The following AGMO variants were observed in gnomAD, a reference collection of about 807,000 sequenced individuals.
The protein encoded by AGMO is glyceryl-ether monooxygenase.
AGMO carries 75 observed loss-of-function variants against 60.2 expected under a neutral mutation model. That is an observed-to-expected ratio of 1.25 (90% CI 1.03 to 1.51). The LOEUF (loss-of-function observed/expected upper bound fraction) is 1.51. Ranked by LOEUF, AGMO falls within the 40% of genes most tolerant of loss-of-function variation. The pLI, the probability that AGMO is intolerant of heterozygous loss-of-function variation, is 0.00. For missense variants in AGMO, 763 were observed against 525.5 expected (o/e 1.45, Z -4.42); for synonymous variants, 261 against 177.1 (o/e 1.47, Z -3.76).
intron 3 of AGMO, among the ~76,000 whole-genome samples, chr7:15,450,101 T>C (rs1199603523): frequency 6.6e-6 from 1 of 152,228 alleles, no homozygotes; most frequent in Admixed American, 6.5e-5. Context: ...CAAATGTAAT[T>C]GATTGCATCA....
chr7:15,531,596 C>T (rs1479078223), intron 3 of AGMO, among the ~76,000 whole-genome samples: 2 of 102,468 alleles, frequency 2.0e-5, no homozygotes, highest in Admixed American at 1.3e-4. Context: ...TATATATATT[C>T]TATATATATA....
intron 5 of AGMO, among the ~76,000 whole-genome samples, chr7:15,401,290 T>C (rs1313697730): frequency 4.6e-5 from 7 of 152,196 alleles, no homozygotes; most frequent in Non-Finnish European, 8.8e-5. Flanking sequence ...TATTCTATTC[T>C]ATATAATTCA....
At chr7:15,127,111 G>A in the AGMO span, among the ~76,000 whole-genome samples, 1 of 152,022 alleles carries the variant, frequency 6.6e-6, no homozygotes, top group Non-Finnish European at 1.5e-5. Flanking sequence ...GTATTTCTTA[G>A]ATGTATTTGA....
the AGMO span, among the ~76,000 whole-genome samples, chr7:15,141,758 T>C: frequency 1.3e-5 from 2 of 152,192 alleles, no homozygotes; most frequent in African/African-American, 4.8e-5. Context: ...GGCGAATCTA[T>C]TATTTGGGCT....
chr7:15,182,747 G>A, the AGMO span, among the ~76,000 whole-genome samples: 3 of 152,062 alleles, frequency 2.0e-5, no homozygotes, highest in South Asian at 2.1e-4. Flanking sequence ...AATGGGTTCC[G>A]ACATTGCTAT....
At chr7:15,259,686 C>T (rs1194464172) in intron 12 of AGMO, among the ~76,000 whole-genome samples, 1 of 151,776 alleles carries the variant, frequency 6.6e-6, no homozygotes, top group African/African-American at 2.4e-5. Context: ...TAAAGGAAAA[C>T]CTATCAGATT....
At chr7:15,417,439 A>G (rs951882391) in intron 5 of AGMO, among the ~76,000 whole-genome samples, 1 of 152,172 alleles carries the variant, frequency 6.6e-6, no homozygotes, top group Non-Finnish European at 1.5e-5. Context: ...ACATGGCGTG[A>G]CCTGGAGCAG....
At chr7:15,357,199 G>GTGTGTT (rs1782570315) in intron 12 of AGMO, among the ~76,000 whole-genome samples, 1 of 124,900 alleles carries the variant, frequency 8.0e-6, no homozygotes, top group Admixed American at 7.4e-5. Context: ...TCGTGTGTGT[G>GTGTGTT]TGTGTGTGTG....
At chr7:15,230,146 G>C (rs1384508995) in intron 12 of AGMO, among the ~76,000 whole-genome samples, 2 of 152,034 alleles carry the variant, frequency 1.3e-5, no homozygotes, top group African/African-American at 4.8e-5. Flanking sequence ...GAAAAGAAAA[G>C]AGGAGGAGGA....
the AGMO span, among the ~76,000 whole-genome samples, chr7:15,137,584 G>A: frequency 0.4 from 61,300 of 151,946 alleles, 12,804 homozygotes; most frequent in East Asian, 0.67. Flanking sequence ...AGGTGGACAT[G>A]TACAATCAAG....
At chr7:15,286,996 T>A (rs1784116463) in intron 12 of AGMO, among the ~76,000 whole-genome samples, 1 of 152,136 alleles carries the variant, frequency 6.6e-6, no homozygotes, top group Non-Finnish European at 1.5e-5. Flanking sequence ...ACCATATGCT[T>A]TCACTTATAT....
At chr7:15,493,667 G>A (rs551951146) in intron 3 of AGMO, among the ~76,000 whole-genome samples, 2 of 152,122 alleles carry the variant, frequency 1.3e-5, no homozygotes, top group South Asian at 4.2e-4. Flanking sequence ...GAGCCACCGC[G>A]CCCGGCCCAC....
chr7:15,513,284 G>A (rs1381031173), intron 3 of AGMO, among the ~76,000 whole-genome samples: 1 of 68,804 alleles, frequency 1.5e-5, no homozygotes, highest in East Asian at 7.4e-4. Context: ...GATACCTATA[G>A]CACAACTTTA....
intron 12 of AGMO, among the ~76,000 whole-genome samples, chr7:15,326,095 A>G (rs1781331969): frequency 6.6e-6 from 1 of 152,196 alleles, no homozygotes; most frequent in Admixed American, 6.5e-5. Context: ...TTAAACTGGG[A>G]TATTACTCTT....
At chr7:15,485,782 GA>G (rs1035804656) in intron 3 of AGMO, among the ~76,000 whole-genome samples, 28 of 151,644 alleles carry the variant, frequency 1.8e-4, no homozygotes, top group African/African-American at 6.5e-4. Flanking sequence ...TAAGATCAAG[GA>G]AGGATAATTT....
At chr7:15,320,752 T>A (rs1583403631) in intron 12 of AGMO, among the ~76,000 whole-genome samples, 1 of 152,270 alleles carries the variant, frequency 6.6e-6, no homozygotes, top group South Asian at 2.1e-4. Context: ...AATGGATGCA[T>A]ACAAACAAAC....
chr7:15,548,596 C>T lies in AGMO; in HGVS notation c.258-3673G>A, dbSNP rs950500458. 7.3e-5 allele frequency among the ~76,000 whole-genome samples: 11 copies of T among 151,702 alleles called. 1 individual carries two copies. The South Asian group carries it at 1.9e-3, about 26-fold the overall frequency. ...GGAAGATGAAATGAATGAAATGAAGCGAGAAGGGAAGTTTAGAGAAAAAAT... is the reference window on the plus strand; with the variant it reads ...GGAAGATGAAATGAATGAAATGAAGTGAGAAGGGAAGTTTAGAGAAAAAAT... On this transcript the variant is annotated intron_variant, in intron 2 of 12. Coordinates refer to ENST00000342526, the MANE Select transcript of AGMO (RefSeq NM_001004320.2).
At chr7:15,171,425 G>A in the AGMO span, among the ~76,000 whole-genome samples, 1 of 152,150 alleles carries the variant, frequency 6.6e-6, no homozygotes. Context: ...TCAGTATAAA[G>A]TATACACTTC....
At chr7:15,456,100 T>A (rs1198252284) in intron 3 of AGMO, among the ~76,000 whole-genome samples, 1 of 152,100 alleles carries the variant, frequency 6.6e-6, no homozygotes, top group Admixed American at 6.6e-5. Context: ...TATTTCCATT[T>A]AAAAATTCTA....
Sources: allele counts gnomAD v4.1 joint callset (sites outside exome capture counted in the v4.1 genomes callset), GRCh38; gene constraint gnomAD v4.1.1; transcripts MANE v1.5; gene names NCBI Gene and HGNC (gene_info 2026-07-23, HGNC 2026-07-21).